RBFOX1: variants seen among roughly 807,000 people sequenced by gnomAD.
RBFOX1 encodes the protein RNA binding protein fox-1 homolog 1.
Under a neutral mutation model 57.7 loss-of-function variants are expected in RBFOX1, and 8 were observed. The ratio of observed to expected loss-of-function variants is 0.14; its 90% CI spans 0.08 to 0.25. RBFOX1 has a LOEUF of 0.25. Among genes scored for constraint, RBFOX1 ranks in the 10% least tolerant of loss-of-function variants. The pLI, the probability that RBFOX1 is intolerant of heterozygous loss-of-function variation, is 1.00. For synonymous variants in RBFOX1, 326 were observed against 222.4 expected, an observed-to-expected ratio of 1.47 and a Z score of -4.15; for missense variants, 611 against 548.5, an observed-to-expected ratio of 1.11 and a Z score of -1.14.
chr16:7,235,871 G>A (rs1567831214), intron 4 of RBFOX1, among the ~76,000 whole-genome samples: 1 of 152,172 alleles, frequency 6.6e-6, no homozygotes, highest in Non-Finnish European at 1.5e-5. Flanking sequence ...ATGAAGCAGT[G>A]TGGATCCATA....
intron 1 of RBFOX1, among the ~76,000 whole-genome samples, chr16:6,140,608 A>G (rs534195923): frequency 6.6e-6 from 1 of 152,274 alleles, no homozygotes; most frequent in Admixed American, 6.5e-5. Context: ...CAATTAAGCC[A>G]GAAAAGATTT....
intron 3 of RBFOX1, among the ~76,000 whole-genome samples, chr16:6,889,397 A>G (rs150221309): frequency 2.0e-5 from 3 of 152,226 alleles, no homozygotes; most frequent in African/African-American, 7.2e-5. Flanking sequence ...GATATCTTAC[A>G]TATGACGGCT....
intron 3 of RBFOX1, among the ~76,000 whole-genome samples, chr16:5,756,120 A>C (rs2053384553): frequency 6.7e-6 from 1 of 149,340 alleles, no homozygotes; most frequent in Non-Finnish European, 1.5e-5. Flanking sequence ...ACAAAGCTAC[A>C]GGTGGTGCCT....
intron 2 of RBFOX1, among the ~76,000 whole-genome samples, chr16:6,328,978 A>G (rs1443522554): frequency 6.6e-6 from 1 of 152,186 alleles, no homozygotes; most frequent in Non-Finnish European, 1.5e-5. Context: ...AAGAGTCCCT[A>G]GGAAATCAGC....
At chr16:6,794,084 G>A (rs1209944580) in intron 3 of RBFOX1, among the ~76,000 whole-genome samples, 1 of 152,076 alleles carries the variant, frequency 6.6e-6, no homozygotes, top group African/African-American at 2.4e-5. Flanking sequence ...CATCTGAAAT[G>A]ACTGAACTAT....
intron 2 of RBFOX1, among the ~76,000 whole-genome samples, chr16:6,470,553 G>A (rs1450594332): frequency 6.6e-6 from 1 of 152,098 alleles, no homozygotes; most frequent in African/African-American, 2.4e-5. Context: ...ATTCCAGTTG[G>A]CCTTTAGCCA....
intron 2 of RBFOX1, among the ~76,000 whole-genome samples, chr16:6,643,580 A>G (rs2098509605): frequency 6.6e-6 from 1 of 152,210 alleles, no homozygotes; most frequent in African/African-American, 2.4e-5. Context: ...TTAATAAAGC[A>G]ATTAACTTTA....
At chr16:7,384,548 A>G (rs1213708886) in intron 4 of RBFOX1, among the ~76,000 whole-genome samples, 2 of 152,152 alleles carry the variant, frequency 1.3e-5, no homozygotes, top group Non-Finnish European at 1.5e-5. Context: ...GGGCAGTATC[A>G]TTTATCTATC....
chr16:7,407,246 A>G (rs770842276), intron 4 of RBFOX1, among the ~76,000 whole-genome samples: 2 of 152,140 alleles, frequency 1.3e-5, no homozygotes, highest in African/African-American at 2.4e-5. Flanking sequence ...GAGGATTAGG[A>G]CATGAGCATG....
At chr16:6,489,626 G>A (rs994902204) in intron 2 of RBFOX1, among the ~76,000 whole-genome samples, 4 of 152,210 alleles carry the variant, frequency 2.6e-5, no homozygotes, top group Admixed American at 6.5e-5. Context: ...ATCTTCACCC[G>A]AGTTTTGAAA....
chr16:5,831,535 G>T (rs2056275824), intron 3 of RBFOX1, among the ~76,000 whole-genome samples: 1 of 147,840 alleles, frequency 6.8e-6, no homozygotes, highest in Non-Finnish European at 1.5e-5. Flanking sequence ...TCTTGTCCAG[G>T]CCAGAGTGCA....
intron 3 of RBFOX1, among the ~76,000 whole-genome samples, chr16:5,779,565 T>G (rs7186294): frequency 0.029 from 4,457 of 152,158 alleles, 211 homozygotes; most frequent in African/African-American, 0.1. Context: ...CCCTATACCT[T>G]TGTGGGTGCT....
At chr16:6,465,598 CTGTG>C (rs56131263) in intron 2 of RBFOX1, among the ~76,000 whole-genome samples, 7,380 of 144,974 alleles carry the variant, frequency 0.051, 555 homozygotes, top group African/African-American at 0.16. Flanking sequence ...ATGTATAGGG[CTGTG>C]TGTGTGTGTG....
intron 4 of RBFOX1, among the ~76,000 whole-genome samples, chr16:5,911,781 A>G (rs1324500972): frequency 6.6e-6 from 1 of 152,110 alleles, no homozygotes; most frequent in African/African-American, 2.4e-5. Context: ...ATGTCTGCAT[A>G]TGGTGGGAGG....
intron 3 of RBFOX1, among the ~76,000 whole-genome samples, chr16:5,637,979 G>T (rs1428161068): frequency 6.6e-6 from 1 of 152,248 alleles, no homozygotes; most frequent in Non-Finnish European, 1.5e-5. Flanking sequence ...CTACTCTGAT[G>T]ATGTCGGAAG....
At chr16:6,820,404 C>T (rs867159537) in intron 3 of RBFOX1, among the ~76,000 whole-genome samples, 4 of 152,132 alleles carry the variant, frequency 2.6e-5, no homozygotes, top group Admixed American at 1.3e-4. Flanking sequence ...CTCCTATAAT[C>T]CCAGCATTTT....
intron 1 of RBFOX1, among the ~76,000 whole-genome samples, chr16:6,263,944 G>A (rs2097717230): frequency 6.6e-6 from 1 of 152,132 alleles, no homozygotes; most frequent in South Asian, 2.1e-4. Flanking sequence ...CTTCAGCTGT[G>A]AAGTGAGCCA....
intron 4 of RBFOX1, among the ~76,000 whole-genome samples, chr16:7,285,925 T>C (rs1254946226): frequency 6.6e-6 from 1 of 152,226 alleles, no homozygotes; most frequent in Non-Finnish European, 1.5e-5. Context: ...GGACATGATT[T>C]TTAAGAGAAA....
At chr16:6,467,550 A>T (rs1430694439) in intron 2 of RBFOX1, among the ~76,000 whole-genome samples, 1 of 152,104 alleles carries the variant, frequency 6.6e-6, no homozygotes, top group Non-Finnish European at 1.5e-5. Context: ...TAGAATAAAG[A>T]GAGCTGGTTT....
Sources: gnomAD v4.1 joint callset for allele counts (sites outside exome capture counted in the v4.1 genomes callset) on GRCh38, gnomAD v4.1.1 for gene constraint, MANE v1.5 for transcripts, NCBI Gene and HGNC (gene_info 2026-07-23, HGNC 2026-07-21) for gene names.